Variants in PTPN4 observed in about 807,000 individuals in gnomAD.
PTPN4 encodes the protein protein tyrosine phosphatase non-receptor type 4.
A neutral mutation model predicts 135.5 loss-of-function variants in PTPN4; 49 were observed. That is an observed-to-expected ratio of 0.36 (90% CI 0.29 to 0.46). PTPN4 has a LOEUF of 0.46. Among genes scored for constraint, PTPN4 ranks in the 20% least tolerant of loss-of-function variants. PTPN4 has a pLI of 1.00. For synonymous variants in PTPN4, 333 were observed against 369.9 expected (o/e 0.90, Z 1.14); for missense variants, 860 against 1,101.0 (o/e 0.78, Z 3.10).
chr2:119,895,703 C>G (rs1053930824), intron 9 of PTPN4, among the ~76,000 whole-genome samples: 1 of 151,960 alleles, frequency 6.6e-6, no homozygotes, highest in African/African-American at 2.4e-5. Flanking sequence ...AGGCGGATCA[C>G]GAGGTCAGGA....
chr2:119,771,597 G>T (rs1690735602), intron 1 of PTPN4: 1 of 152,112 alleles, frequency 6.6e-6, no homozygotes, highest in African/African-American at 2.4e-5. Flanking sequence ...AGACCTGCTT[G>T]CCTGGATCAC....
intron 1 of PTPN4, among the ~76,000 whole-genome samples, chr2:119,807,453 G>A (rs1370514019): frequency 6.6e-6 from 1 of 152,248 alleles, no homozygotes; most frequent in Middle Eastern, 3.4e-3. Context: ...ACACCTCTAC[G>A]CAAATAAACT....
rs1480008853 is a variant in PTPN4 at position 119,937,169 on chromosome 2, C to A, written c.1355+2211C>A. Among the ~76,000 whole-genome samples the A allele has an allele frequency of 5.3e-5, 8 of 152,190 alleles. No homozygotes were observed. The South Asian group carries it at 1.4e-3, about 28-fold the overall frequency. On this transcript the variant is annotated intron_variant, in intron 15 of 26. Coordinates refer to ENST00000263708, the MANE Select transcript of PTPN4 (RefSeq NM_002830.4). ...AGCCAGGAGAACTTTGTATCCCCAA[C>A]AAGATGTTATAGATGTTTTTTGATT...
chr2:119,827,759 T>A (rs916253704), intron 2 of PTPN4, among the ~76,000 whole-genome samples: 1 of 152,210 alleles, frequency 6.6e-6, no homozygotes, highest in Non-Finnish European at 1.5e-5. Context: ...TAGTTTTGTT[T>A]TTGTTTTTGA....
chr2:119,804,938 C>G (rs924984345), intron 1 of PTPN4, among the ~76,000 whole-genome samples: 5 of 152,044 alleles, frequency 3.3e-5, no homozygotes, highest in Non-Finnish European at 5.9e-5. Context: ...TCTCCAGCAT[C>G]TGTTGTTTCC....
At chr2:119,836,386 G>A (rs922892099) in intron 2 of PTPN4, among the ~76,000 whole-genome samples, 2 of 152,198 alleles carry the variant, frequency 1.3e-5, no homozygotes, top group African/African-American at 4.8e-5. Flanking sequence ...GATGAAACTG[G>A]CCTGTGTAGC....
chr2:119,888,622 C>G (rs1172543305), intron 9 of PTPN4, among the ~76,000 whole-genome samples: 1 of 152,030 alleles, frequency 6.6e-6, no homozygotes, highest in Admixed American at 6.6e-5. Context: ...TGTGATATAT[C>G]ATGTTTATTG....
intron 11 of PTPN4, among the ~76,000 whole-genome samples, chr2:119,918,055 C>T (rs1307000322): frequency 6.6e-6 from 1 of 152,164 alleles, no homozygotes; most frequent in Non-Finnish European, 1.5e-5. Context: ...GTAGCTGAGA[C>T]ATTTTCTGTT....
At chr2:119,780,540 C>T (rs954052475) in intron 1 of PTPN4, among the ~76,000 whole-genome samples, 3 of 152,280 alleles carry the variant, frequency 2.0e-5, no homozygotes, top group East Asian at 1.9e-4. Flanking sequence ...CTCACATTTT[C>T]GAAGAATCCA....
At chr2:119,974,294 C>T (rs1679581835) in intron 26 of PTPN4, among the ~76,000 whole-genome samples, 1 of 152,130 alleles carries the variant, frequency 6.6e-6, no homozygotes, top group African/African-American at 2.4e-5. Context: ...TCACTGCAAC[C>T]TCCGCCTCCC....
chr2:119,935,115 G>A, intron 15 of PTPN4, 157 bp downstream of exon 15: 1 of 849,686 alleles, frequency 1.2e-6, no homozygotes, highest in African/African-American at 1.7e-5. Flanking sequence ...GTTCCTGAGA[G>A]TTCTTGTTGC....
At chr2:119,823,407 G>C (rs970236061) in intron 2 of PTPN4, among the ~76,000 whole-genome samples, 4 of 151,954 alleles carry the variant, frequency 2.6e-5, no homozygotes, top group Admixed American at 6.6e-5. Context: ...GCTAATTTTT[G>C]TATTTTTAGC....
chr2:119,838,728 G>A (rs1308865692), intron 2 of PTPN4, among the ~76,000 whole-genome samples: 1 of 152,098 alleles, frequency 6.6e-6, no homozygotes, highest in Non-Finnish European at 1.5e-5. Flanking sequence ...TTCTCTAGCT[G>A]GTCCTCTTGT....
chr2:119,907,231 C>T (rs968539962), intron 10 of PTPN4, among the ~76,000 whole-genome samples: 1 of 152,162 alleles, frequency 6.6e-6, no homozygotes, highest in African/African-American at 2.4e-5. Context: ...CTACCCAAAG[C>T]ATTCTACAGA....
intron 1 of PTPN4, among the ~76,000 whole-genome samples, chr2:119,784,735 G>C (rs1210346943): frequency 1.2e-5 from 1 of 83,574 alleles, no homozygotes; most frequent in African/African-American, 5.0e-5. Context: ...ATGGGGTTTT[G>C]CTGTATTGCC....
Position 119,920,232 on chromosome 2 carries a change from TC to T in PTPN4, c.994del (p.Arg332GlyfsTer36). On this transcript the variant is annotated frameshift_variant, in exon 12 of 27. Coordinates refer to ENST00000263708, the MANE Select transcript of PTPN4 (RefSeq NM_002830.4). LOFTEE classifies it high-confidence loss of function. ...CATTATTTTACATTAGGTTCAAAAT[TC>T]CGGTACTGGTAAGTATTGCTTCTGT... ...FAHYFTLGSK[F>X]RYCGRTEVQS... is the part of the protein sequence containing the mutation. 6.2e-7 allele frequency: 1 copy of T among 1,609,106 alleles called. No individual in the cohort carries two copies. Among genetic ancestry groups the T allele is most frequent in the Non-Finnish European group, 8.5e-7 (1 of 1,177,042 alleles).
intron 26 of PTPN4, among the ~76,000 whole-genome samples, chr2:119,973,451 G>A (rs575437876): frequency 3.4e-4 from 52 of 152,224 alleles, no homozygotes; most frequent in Admixed American, 7.8e-4. Context: ...GAATATGGGT[G>A]TATAAAGATC....
intron 5 of PTPN4, among the ~76,000 whole-genome samples, chr2:119,879,618 A>G (rs1478089427): frequency 6.6e-6 from 1 of 152,236 alleles, no homozygotes; most frequent in Non-Finnish European, 1.5e-5. Context: ...ATAGGCATGC[A>G]CAAGTTCCCC....
chr2:119,831,421 A>G (rs2104963308), intron 2 of PTPN4, among the ~76,000 whole-genome samples: 1 of 151,928 alleles, frequency 6.6e-6, no homozygotes, highest in South Asian at 2.1e-4. Flanking sequence ...TTATTTTTGG[A>G]CTCTCTATTA....
Sources: gnomAD v4.1 joint callset for allele counts (sites outside exome capture counted in the v4.1 genomes callset) on GRCh38, gnomAD v4.1.1 for gene constraint, MANE v1.5 for transcripts, NCBI Gene and HGNC (gene_info 2026-07-23, HGNC 2026-07-21) for gene names.